Variants in GRXCR1 observed in about 807,000 individuals in gnomAD.
GRXCR1 encodes glutaredoxin and cysteine rich domain containing 1.
GRXCR1 carries 27 observed loss-of-function variants against 27.3 expected under a neutral mutation model. That is an observed-to-expected ratio of 0.99 (90% CI 0.73 to 1.37). GRXCR1 has a LOEUF of 1.37. Among genes scored for constraint, GRXCR1 ranks in the 40% most tolerant of loss-of-function variants. The pLI, the probability that GRXCR1 is intolerant of heterozygous loss-of-function variation, is 0.00. For synonymous variants in GRXCR1, 122 were observed against 131.1 expected (o/e 0.93, Z 0.47); for missense variants, 379 against 354.4 (o/e 1.07, Z -0.56).
At chr4:42,971,581 G>T (rs988930349) in intron 2 of GRXCR1, among the ~76,000 whole-genome samples, 3 of 152,030 alleles carry the variant, frequency 2.0e-5, no homozygotes, top group Non-Finnish European at 2.9e-5. Context: ...GAAGGGAAAA[G>T]TTCCACCCAC....
intron 1 of GRXCR1, among the ~76,000 whole-genome samples, chr4:42,942,240 C>T (rs1747642175): frequency 6.6e-6 from 1 of 151,754 alleles, no homozygotes; most frequent in Non-Finnish European, 1.5e-5. Flanking sequence ...CATTGTGAAA[C>T]ATATATACCG....
intron 1 of GRXCR1, among the ~76,000 whole-genome samples, chr4:42,923,409 C>G (rs563358642): frequency 6.6e-6 from 1 of 152,248 alleles, no homozygotes; most frequent in Admixed American, 6.5e-5. Flanking sequence ...ATAAGCAAAT[C>G]TCTCTATATC....
intron 2 of GRXCR1, among the ~76,000 whole-genome samples, chr4:43,002,204 G>C (rs1395886473): frequency 2.0e-5 from 3 of 152,284 alleles, no homozygotes; most frequent in Non-Finnish European, 4.4e-5. Flanking sequence ...CCTCAGCACA[G>C]ACCCTTTATG....
intron 1 of GRXCR1, among the ~76,000 whole-genome samples, chr4:42,945,741 C>T (rs960428113): frequency 2.0e-5 from 3 of 152,140 alleles, no homozygotes; most frequent in Admixed American, 6.6e-5. Context: ...AACATCTGCA[C>T]AAGCATTTAA....
chr4:42,902,318 G>T (rs1484996513), intron 1 of GRXCR1, among the ~76,000 whole-genome samples: 1 of 152,182 alleles, frequency 6.6e-6, no homozygotes, highest in African/African-American at 2.4e-5. Flanking sequence ...ATGCGAGAGT[G>T]GTTGTGATGC....
intron 3 of GRXCR1, among the ~76,000 whole-genome samples, chr4:43,028,193 T>C (rs1187600985): frequency 6.6e-6 from 1 of 152,226 alleles, no homozygotes; most frequent in Non-Finnish European, 1.5e-5. Context: ...TCTCTTTTCT[T>C]CTATGTCAAC....
intron 2 of GRXCR1, among the ~76,000 whole-genome samples, chr4:43,016,294 C>T (rs572987600): frequency 2.0e-5 from 3 of 152,192 alleles, no homozygotes; most frequent in African/African-American, 2.4e-5. Flanking sequence ...ATGGTGACTA[C>T]GAAAGGACAT....
At chr4:42,975,691 T>C (rs1748503837) in intron 2 of GRXCR1, among the ~76,000 whole-genome samples, 1 of 152,168 alleles carries the variant, frequency 6.6e-6, no homozygotes, top group African/African-American at 2.4e-5. Context: ...GCATTACCAG[T>C]AGCATCTTAC....
intron 1 of GRXCR1, among the ~76,000 whole-genome samples, chr4:42,917,759 A>G (rs1189671156): frequency 6.6e-6 from 1 of 152,156 alleles, no homozygotes; most frequent in African/African-American, 2.4e-5. Context: ...GCTATTAAGT[A>G]CAAACCATAA....
rs138628599 is a variant in GRXCR1, at chr4:42,989,437, G to A, written c.627+26303G>A. ...CTATCTTCAAATATAGTTACATTGA[G>A]TGTTAGGGCTTAAACATATGAACTT... On this transcript the variant is annotated intron_variant, in intron 2 of 3. Coordinates refer to ENST00000399770, the MANE Select transcript of GRXCR1 (RefSeq NM_001080476.3). 6.6e-3 allele frequency among the ~76,000 whole-genome samples: 1,011 copies of A among 152,188 alleles called. 25 individuals are homozygous for A. The highest frequency in any genetic ancestry group is 0.049 in the Admixed American group (743 of 15,288).
chr4:42,917,259 A>G (rs936047891), intron 1 of GRXCR1, among the ~76,000 whole-genome samples: 1 of 152,142 alleles, frequency 6.6e-6, no homozygotes, highest in Non-Finnish European at 1.5e-5. Flanking sequence ...GTAGAAATAT[A>G]TGGGAGAGAA....
In GRXCR1 at chr4:42,996,414, A is replaced by G. The variant is rs180916463; in HGVS notation, c.628-23940A>G. ...AATTTACTCCAGCCAGTGATATTTT[A>G]TGGCCTTAGTAAGTCATCTTTAACT... On this transcript the variant is annotated intron_variant, in intron 2 of 3. Coordinates refer to ENST00000399770, the MANE Select transcript of GRXCR1 (RefSeq NM_001080476.3). Among the ~76,000 whole-genome samples, 12 of 152,304 alleles carry G rather than the reference A, an allele frequency of 7.9e-5. No individual in the cohort carries two copies. In the East Asian group the frequency reaches 2.3e-3, roughly 29 times the overall value.
Position 43,017,674 on chromosome 4 carries a change from G to A in GRXCR1, c.628-2680G>A, listed in dbSNP as rs116177275. Among the ~76,000 whole-genome samples the A allele has an allele frequency of 9.6e-3, 1,467 of 152,202 alleles. 15 individuals carry two copies. Among genetic ancestry groups the A allele is most frequent in the Non-Finnish European group, 0.018 (1,191 of 68,008 alleles). On this transcript the variant is annotated intron_variant, in intron 2 of 3. Coordinates refer to ENST00000399770, the MANE Select transcript of GRXCR1 (RefSeq NM_001080476.3). ...TGTCGTGGAGGTCTTGATAAACTAT[G>A]CCAAGTAATAGAGTAAATAATTTCC... is the stretch of plus-strand genomic sequence containing the variant.
chr4:42,894,482 T>C (rs113176176), intron 1 of GRXCR1, among the ~76,000 whole-genome samples: 5 of 152,092 alleles, frequency 3.3e-5, no homozygotes, highest in African/African-American at 1.2e-4. Flanking sequence ...TATTTTTCAT[T>C]GTAATTCCTT....
chr4:42,915,999 A>T (rs1268608727), intron 1 of GRXCR1, among the ~76,000 whole-genome samples: 1 of 151,712 alleles, frequency 6.6e-6, no homozygotes, highest in Non-Finnish European at 1.5e-5. Flanking sequence ...TGAACAGACA[A>T]TTTTATTCCC....
intron 1 of GRXCR1, among the ~76,000 whole-genome samples, chr4:42,940,839 A>T (rs769808027): frequency 6.6e-6 from 1 of 152,092 alleles, no homozygotes; most frequent in Non-Finnish European, 1.5e-5. Context: ...ATAGAGAGAC[A>T]TCAAAATAAT....
chr4:42,979,151 C>T (rs1182646078), intron 2 of GRXCR1, among the ~76,000 whole-genome samples: 1 of 151,962 alleles, frequency 6.6e-6, no homozygotes, highest in Non-Finnish European at 1.5e-5. Flanking sequence ...TTCTTCCTTT[C>T]TGATTTGAAT....
intron 1 of GRXCR1, among the ~76,000 whole-genome samples, chr4:42,935,463 GT>G (rs1402102230): frequency 6.6e-6 from 1 of 151,810 alleles, no homozygotes; most frequent in Non-Finnish European, 1.5e-5. Context: ...ATGAGGGAGG[GT>G]TTTGTGCAAC....
chr4:43,014,613 T>C (rs779374420), intron 2 of GRXCR1, among the ~76,000 whole-genome samples: 1 of 152,188 alleles, frequency 6.6e-6, no homozygotes, highest in Non-Finnish European at 1.5e-5. Flanking sequence ...AGAGAAGCGA[T>C]AGAAGTCATT....
Sources: allele counts gnomAD v4.1 joint callset (sites outside exome capture counted in the v4.1 genomes callset), GRCh38; gene constraint gnomAD v4.1.1; transcripts MANE v1.5; gene names NCBI Gene and HGNC (gene_info 2026-07-23, HGNC 2026-07-21).